RGS12: variants seen among roughly 807,000 people sequenced by gnomAD.
RGS12 encodes the protein regulator of G protein signaling 12.
RGS12 carries 66 observed loss-of-function variants against 120.1 expected under a neutral mutation model. That is an observed-to-expected ratio of 0.55 (90% CI 0.45 to 0.67). RGS12 has a LOEUF of 0.67. RGS12 is among the 30% of genes least tolerant of loss of function. The pLI is 0.00. For missense variants in RGS12, 1,859 were observed against 1,957.7 expected, an observed-to-expected ratio of 0.95 and a Z score of 0.95; for synonymous variants, 827 against 804.7, an observed-to-expected ratio of 1.03 and a Z score of -0.47.
At chr4:3,337,593 G>T (rs1223226001) in intron 2 of RGS12, among the ~76,000 whole-genome samples, 1 of 152,124 alleles carries the variant, frequency 6.6e-6, no homozygotes, top group Non-Finnish European at 1.5e-5. Flanking sequence ...AGCAAAATCA[G>T]CCAGTCACAG....
At position 3,331,278 on chromosome 4, in the gene RGS12, A is replaced by C. The variant is rs1477610608; in HGVS notation, c.1882-11659A>C. Among the ~76,000 whole-genome samples, 3 of 152,138 alleles carry C rather than the reference A, an allele frequency of 2.0e-5. 1 individual carries two copies. Among genetic ancestry groups the C allele is most frequent in the Admixed American group, 2.0e-4 (3 of 15,282 alleles). ...TATATGGAAAGAATACAAAGGAAAC[A>C]CTCCAAATGGGTAATAGTAGTTATC... On this transcript the variant is annotated intron_variant, in intron 2 of 17. Transcript: ENST00000336727.
chr4:3,421,549 C>G (rs1723019924), intron 10 of RGS12, among the ~76,000 whole-genome samples: 1 of 152,236 alleles, frequency 6.6e-6, no homozygotes, highest in Non-Finnish European at 1.5e-5. Flanking sequence ...TTCTGGTTAC[C>G]TGGCACGTGA....
At chr4:3,327,895 A>G (rs947676189) in intron 2 of RGS12, among the ~76,000 whole-genome samples, 3 of 152,204 alleles carry the variant, frequency 2.0e-5, no homozygotes, top group Non-Finnish European at 2.9e-5. Context: ...GTATCTGTCT[A>G]CCCATAGGAA....
intron 3 of RGS12, among the ~76,000 whole-genome samples, chr4:3,351,219 A>C (rs1350271390): frequency 2.0e-5 from 3 of 152,164 alleles, no homozygotes; most frequent in Non-Finnish European, 4.4e-5. Flanking sequence ...AAAAAAAACA[A>C]CAAAATTTTC....
Position 3,372,475 on chromosome 4 carries a change from C to T in RGS12, c.1999-13941C>T, listed in dbSNP as rs1051811131. 2.0e-5 allele frequency among the ~76,000 whole-genome samples: 3 copies of T among 152,228 alleles called. No individual in the cohort carries two copies. The highest frequency in any genetic ancestry group is 3.8e-4 in the East Asian group (2 of 5,198). On this transcript the variant is annotated intron_variant, in intron 3 of 17. Coordinates refer to ENST00000336727, the MANE Select transcript of RGS12 (RefSeq NM_001394154.1). The surrounding 1 kb of genome is among the most constrained non-coding windows in gnomAD (Gnocchi z 4.3). Reference sequence around the variant, plus strand: ...GCATGACAGTTGTCGCGGAGCCGCCCGAGCTGTTGGCTTCCCCGATGTTCC... The same window carrying T: ...GCATGACAGTTGTCGCGGAGCCGCCTGAGCTGTTGGCTTCCCCGATGTTCC...
At chr4:3,313,897 A>G (rs775412144) in intron 1 of RGS12, among the ~76,000 whole-genome samples, 1 of 152,186 alleles carries the variant, frequency 6.6e-6, no homozygotes, top group Non-Finnish European at 1.5e-5. Flanking sequence ...TGGGTGTATC[A>G]GGGGCCATCA....
chr4:3,401,593 T>A (rs1042097488), intron 4 of RGS12, among the ~76,000 whole-genome samples: 1 of 152,238 alleles, frequency 6.6e-6, no homozygotes, highest in African/African-American at 2.4e-5. Flanking sequence ...TACTGCGGTT[T>A]TACAGCGGGG....
intron 3 of RGS12, among the ~76,000 whole-genome samples, chr4:3,343,341 G>A (rs372368387): frequency 1.3e-4 from 20 of 152,310 alleles, no homozygotes; most frequent in African/African-American, 4.8e-4. Flanking sequence ...AATACTCTAC[G>A]AGGTAGGGCC....
chr4:3,369,599 C>T (rs551580949), intron 3 of RGS12, among the ~76,000 whole-genome samples: 8 of 152,230 alleles, frequency 5.3e-5, no homozygotes, highest in Admixed American at 3.9e-4. Flanking sequence ...ATGATTTTGA[C>T]AGCAGGGAAG....
chr4:3,423,154 C>A lies in RGS12; in HGVS notation c.3107+176C>A, dbSNP rs112420198. ...ACACGAGGCAGCCCCCCTACAAGCC[C>A]GGGGGTGAGAGGCGCCCTCTCCTCC... On this transcript the variant is annotated intron_variant, in intron 12 of 17. Coordinates refer to ENST00000336727, the MANE Select transcript of RGS12 (RefSeq NM_001394154.1). Among the ~76,000 whole-genome samples, 4 of 152,266 alleles carry A rather than the reference C, an allele frequency of 2.6e-5. No individual in the cohort carries two copies. The East Asian group carries it at 7.7e-4, about 29-fold the overall frequency.
intron 5 of RGS12, chr4:3,414,532 G>A (rs1560161240): frequency 3.3e-6 from 2 of 601,072 alleles, no homozygotes; most frequent in East Asian, 5.5e-5. Flanking sequence ...GAAGCCAGGT[G>A]CCTGTTGCCA....
chr4:3,386,756 C>T (rs1244203446), intron 4 of RGS12, among the ~76,000 whole-genome samples: 3 of 152,206 alleles, frequency 2.0e-5, no homozygotes, highest in African/African-American at 7.2e-5. Context: ...TTGCTCTTCC[C>T]TTGTTGTATA....
In RGS12 at chr4:3,390,879, A is replaced by G. The variant is rs780657481; in HGVS notation, c.2020+4442A>G. Reference sequence around the variant, plus strand: ...TTTAAACTGCATTCCTCTTTAAAATATAAAGTATAATTGTTGATATTTTTG... The same window carrying G: ...TTTAAACTGCATTCCTCTTTAAAATGTAAAGTATAATTGTTGATATTTTTG... On this transcript the variant is annotated intron_variant, in intron 4 of 17. Coordinates refer to ENST00000336727, the MANE Select transcript of RGS12 (RefSeq NM_001394154.1). This position sits in a 1 kb window ranked among gnomAD's most constrained non-coding sequence, Gnocchi z 4.6. Among the ~76,000 whole-genome samples, 4 of 152,264 alleles carry G rather than the reference A, an allele frequency of 2.6e-5. No homozygotes were observed. The highest frequency in any genetic ancestry group is 4.4e-5 in the Non-Finnish European group (3 of 68,048).
chr4:3,304,628 C>T (rs1222708554), intron 1 of RGS12, among the ~76,000 whole-genome samples: 6 of 152,172 alleles, frequency 3.9e-5, no homozygotes, highest in East Asian at 1.9e-4. Context: ...ATGATCAGTT[C>T]GGCTTCTTTT....
At position 3,342,930 on chromosome 4, in the gene RGS12, T is replaced by C. The variant is rs745586888; in HGVS notation, c.1882-7T>C. 6.2e-7 allele frequency: 1 copy of C among 1,601,306 alleles called. No individual in the cohort carries two copies. The highest frequency in any genetic ancestry group is 1.1e-5 in the South Asian group (1 of 90,776). The stretch of plus-strand genomic sequence containing the variant: ...AATAACCTGATGCCTTTTTTCTTCG[T>C]GTTTAGGGCTCAAAATTTGGGCGGG... On this transcript the variant is annotated splice_region_variant and splice_polypyrimidine_tract_variant and intron_variant, in intron 2 of 17. Coordinates refer to ENST00000336727, the MANE Select transcript of RGS12 (RefSeq NM_001394154.1).
In RGS12 at chr4:3,343,153, C is replaced by T. The variant is rs1302378217; in HGVS notation, c.1998+100C>T. On this transcript the variant is annotated intron_variant, in intron 3 of 17. Coordinates refer to ENST00000336727, the MANE Select transcript of RGS12 (RefSeq NM_001394154.1). ...GGCTGTTTTTTGAGTCCCTGTGGTC[C>T]CCTCCCCTCCTCCTCTGTAGTGGTA... 3 of 771,410 alleles carry T rather than the reference C, an allele frequency of 3.9e-6. No individual in the cohort carries two copies. The East Asian group carries it at 7.9e-5, about 20-fold the overall frequency. The allele number at this position is 771,410 out of a possible 1,614,324, so 47.8% of individuals were successfully genotyped here.
chr4:3,438,448 G>A (rs944994021), intron 17 of RGS12, among the ~76,000 whole-genome samples: 8 of 152,112 alleles, frequency 5.3e-5, no homozygotes, highest in African/African-American at 1.2e-4. Flanking sequence ...TGGGCGGGAA[G>A]GGCTGGGCTC....
At chr4:3,354,896 C>T (rs552113060) in intron 3 of RGS12, among the ~76,000 whole-genome samples, 1 of 152,078 alleles carries the variant, frequency 6.6e-6, no homozygotes, top group Non-Finnish European at 1.5e-5. Context: ...AATAATGAAA[C>T]AGAAAAATGA....
intron 2 of RGS12, among the ~76,000 whole-genome samples, chr4:3,320,569 G>A (rs911070483): frequency 6.6e-5 from 10 of 152,202 alleles, no homozygotes; most frequent in African/African-American, 2.4e-4. Flanking sequence ...GCTCCGTGTG[G>A]GATTTGGAGT....
Sources: allele counts gnomAD v4.1 joint callset (sites outside exome capture counted in the v4.1 genomes callset), GRCh38; gene constraint gnomAD v4.1.1; non-coding constraint Gnocchi (gnomAD v3.1); transcripts MANE v1.5; gene names NCBI Gene and HGNC (gene_info 2026-07-23, HGNC 2026-07-21).